The following TAFA1 variants were observed in gnomAD, a reference collection of about 807,000 sequenced individuals.
The protein encoded by TAFA1 is chemokine-like protein TAFA-1.
Under a neutral mutation model 18.5 loss-of-function variants are expected in TAFA1, and 4 were observed. That is an observed-to-expected ratio of 0.22 (90% CI 0.11 to 0.49). TAFA1 has a LOEUF of 0.49. TAFA1 is among the 20% of genes least tolerant of loss of function. The pLI is 0.98. For synonymous variants in TAFA1, 56 were observed against 55.2 expected (o/e 1.01, Z -0.06); for missense variants, 147 against 169.0 (o/e 0.87, Z 0.72).
chr3:67,996,299 T>C, the TAFA1 span, among the ~76,000 whole-genome samples: 3 of 152,178 alleles, frequency 2.0e-5, no homozygotes, highest in Admixed American at 6.5e-5. Context: ...TGGATATCAG[T>C]ACATGCTGGA....
At chr3:68,419,065 C>T (rs1021287881) in intron 3 of TAFA1, among the ~76,000 whole-genome samples, 3 of 152,108 alleles carry the variant, frequency 2.0e-5, no homozygotes, top group Non-Finnish European at 2.9e-5. Context: ...GTTTCCTCGC[C>T]TCGTGAACCT....
chr3:68,240,984 G>C (rs1475433167), intron 2 of TAFA1, among the ~76,000 whole-genome samples: 1 of 152,116 alleles, frequency 6.6e-6, no homozygotes, highest in Non-Finnish European at 1.5e-5. Flanking sequence ...GATAAAATCA[G>C]CTCTAGTGTG....
chr3:68,201,071 T>G (rs1013866444), intron 2 of TAFA1, among the ~76,000 whole-genome samples: 6 of 151,668 alleles, frequency 4.0e-5, no homozygotes, highest in African/African-American at 1.5e-4. Context: ...GTTGTGTTTT[T>G]GTTTTCACTC....
intron 2 of TAFA1, among the ~76,000 whole-genome samples, chr3:68,322,044 T>C (rs1161253467): frequency 6.6e-6 from 1 of 152,212 alleles, no homozygotes; most frequent in Non-Finnish European, 1.5e-5. Flanking sequence ...TACTGTGCAA[T>C]TTATAAATAC....
At chr3:68,277,358 T>C (rs2067816268) in intron 2 of TAFA1, among the ~76,000 whole-genome samples, 1 of 152,162 alleles carries the variant, frequency 6.6e-6, no homozygotes, top group East Asian at 1.9e-4. Context: ...TTTATACTTC[T>C]ATCGATTACT....
intron 2 of TAFA1, among the ~76,000 whole-genome samples, chr3:68,037,522 A>G (rs930122680): frequency 1.3e-5 from 2 of 152,220 alleles, no homozygotes; most frequent in Non-Finnish European, 2.9e-5. Flanking sequence ...TGTCTAAACT[A>G]CAGTTTCCAT....
chr3:68,440,603 A>G (rs1179992152), intron 3 of TAFA1, among the ~76,000 whole-genome samples: 2 of 152,176 alleles, frequency 1.3e-5, no homozygotes, highest in African/African-American at 2.4e-5. Flanking sequence ...CCTTCAGCAA[A>G]TGCCTCAAGA....
intron 2 of TAFA1, among the ~76,000 whole-genome samples, chr3:68,038,287 T>G (rs943985912): frequency 6.6e-6 from 1 of 152,164 alleles, no homozygotes; most frequent in East Asian, 1.9e-4. Flanking sequence ...TTGGAAAAAT[T>G]GAGACAGATT....
intron 2 of TAFA1, among the ~76,000 whole-genome samples, chr3:68,093,741 A>G (rs2065054995): frequency 1.4e-5 from 2 of 145,464 alleles, no homozygotes; most frequent in South Asian, 4.7e-4. Context: ...TGTTTTTATT[A>G]CTCCCCCTGA....
chr3:68,321,302 T>C, intron 2 of TAFA1, among the ~76,000 whole-genome samples: 1 of 152,212 alleles, frequency 6.6e-6, no homozygotes, highest in East Asian at 1.9e-4. Flanking sequence ...GGGATAATCA[T>C]AGCCCCTACT....
chr3:68,436,311 A>G (rs187946877), intron 3 of TAFA1, among the ~76,000 whole-genome samples: 1 of 152,260 alleles, frequency 6.6e-6, no homozygotes, highest in Admixed American at 6.5e-5. Context: ...TCTACCTTAT[A>G]TGATCTACGC....
intron 2 of TAFA1, among the ~76,000 whole-genome samples, chr3:68,035,189 T>A (rs1275048772): frequency 6.6e-6 from 1 of 152,226 alleles, no homozygotes; most frequent in African/African-American, 2.4e-5. Context: ...ATTAGACTTT[T>A]ATTTCCAGAG....
intron 2 of TAFA1, among the ~76,000 whole-genome samples, chr3:68,067,502 CAT>C (rs2064695184): frequency 6.6e-6 from 1 of 152,152 alleles, no homozygotes; most frequent in Non-Finnish European, 1.5e-5. Context: ...TTATTTAGTA[CAT>C]GGCTTGAGAG....
intron 2 of TAFA1, among the ~76,000 whole-genome samples, chr3:68,196,912 T>C (rs769041147): frequency 1.3e-5 from 2 of 151,758 alleles, no homozygotes; most frequent in Admixed American, 1.3e-4. Flanking sequence ...CTTCTGGCCA[T>C]TGAAAGTGGA....
At chr3:68,295,670 C>T (rs2068194754) in intron 2 of TAFA1, among the ~76,000 whole-genome samples, 1 of 152,112 alleles carries the variant, frequency 6.6e-6, no homozygotes. Context: ...ACAGTGATGT[C>T]GTCATAACTC....
chr3:68,388,040 C>T (rs1461987532), intron 2 of TAFA1, among the ~76,000 whole-genome samples: 2 of 152,098 alleles, frequency 1.3e-5, no homozygotes, highest in African/African-American at 4.8e-5. Context: ...CCATAATAGG[C>T]ATATTATATA....
At chr3:68,282,152 G>A (rs2067909593) in intron 2 of TAFA1, among the ~76,000 whole-genome samples, 2 of 152,134 alleles carry the variant, frequency 1.3e-5, no homozygotes, top group African/African-American at 2.4e-5. Context: ...CAGCATGGGG[G>A]TAACTGCCAC....
chr3:68,543,656 A>C (rs188328365), intron 4 of TAFA1, among the ~76,000 whole-genome samples: 297 of 152,234 alleles, frequency 2.0e-3, no homozygotes, highest in South Asian at 0.013. Context: ...AACTGTAAAG[A>C]AGTAAGAGAT....
At chr3:68,433,046 T>C (rs2106842258) in intron 3 of TAFA1, among the ~76,000 whole-genome samples, 1 of 152,202 alleles carries the variant, frequency 6.6e-6, no homozygotes, top group Non-Finnish European at 1.5e-5. Context: ...TTTGTTCATG[T>C]AGTTATTAGA....
Sources: allele counts gnomAD v4.1 joint callset (sites outside exome capture counted in the v4.1 genomes callset), GRCh38; gene constraint gnomAD v4.1.1; transcripts MANE v1.5; gene names NCBI Gene and HGNC (gene_info 2026-07-23, HGNC 2026-07-21).